TONSL: variants seen among roughly 807,000 people sequenced by gnomAD.
The protein encoded by TONSL is tonsoku-like protein.
In TONSL, 112 loss-of-function variants were observed where a neutral mutation model predicts 147.1. The observed-to-expected ratio is 0.76, with a 90% CI of 0.65 to 0.89. The LOEUF (loss-of-function observed/expected upper bound fraction) is 0.89, where lower values mean the gene tolerates loss of function less well. TONSL is among the 40% of genes least tolerant of loss of function. TONSL has a pLI of 0.00. For missense variants in TONSL, 1,883 were observed against 1,864.6 expected (o/e 1.01, Z -0.18); for synonymous variants, 868 against 801.5 (o/e 1.08, Z -1.40).
At chr8:144,434,754 T>C in intron 20 of TONSL, 57 bp downstream of exon 20, 1 of 1,567,394 alleles carries the variant, frequency 6.4e-7, no homozygotes, top group Non-Finnish European at 8.7e-7. Flanking sequence ...GTGGAGCCTG[T>C]GTGCCCAACC....
intron 23 of TONSL, among the ~76,000 whole-genome samples, chr8:144,431,511 T>C (rs1389325504): frequency 1.3e-5 from 2 of 151,642 alleles, no homozygotes; most frequent in Admixed American, 1.3e-4. Context: ...CAGCTGTTTT[T>C]TTCTTTTTTT....
intron 22 of TONSL, 178 bp downstream of exon 22, chr8:144,433,410 A>G (rs1554879157): frequency 3.1e-6 from 2 of 653,058 alleles, no homozygotes; most frequent in South Asian, 1.9e-5. Flanking sequence ...GGGTCTCACT[A>G]TGTGGGCCAG....
chr8:144,442,287 A>T lies in TONSL; in HGVS notation c.704T>A (p.Met235Lys), dbSNP rs772730361. ...LEGARECAHT[M>K]RKRFMESECC... ...CTCGCTCTCCATGAACCGCTTCCTC[A>T]TGGTGTGCGCACACTCCCGGGCACC... The change falls in exon 6 of 26, where the codon ATG (methionine) becomes AAG (lysine). Residue 235 changes from methionine to lysine, a missense_variant. By Grantham distance (95) the Met-to-Lys change is moderately conservative (BLOSUM62 -1). Transcript: ENST00000409379. The T allele has an allele frequency of 1.8e-5, 28 of 1,597,538 alleles. No individual in the cohort carries two copies. The South Asian group carries it at 1.8e-4, about 10-fold the overall frequency.
In TONSL at chr8:144,432,422, C is replaced by T. The variant is rs369586558; in HGVS notation, c.3598G>A (p.Ala1200Thr). Residue 1200 changes from alanine (A) to threonine (T), a missense_variant, in exon 23 of 26, where the codon GCC becomes ACC. Physicochemically the swap from Ala to Thr is moderately conservative, Grantham distance 58. Transcript: ENST00000409379. ...HLKTLSLSYN[A>T]LGAPALARTL... ...CTGGCCAGGGCAGGGGCTCCCAGGG[C>T]GTTGTAGGACAGGGACAGGGTCTTC... The T allele has an allele frequency of 2.1e-5, 33 of 1,581,494 alleles. No individual in the cohort carries two copies. Among genetic ancestry groups the T allele is most frequent in the African/African-American group, 1.5e-4 (11 of 73,490 alleles).
chr8:144,432,169 G>T, intron 23 of TONSL, 116 bp downstream of exon 23: 1 of 1,173,680 alleles, frequency 8.5e-7, no homozygotes, highest in Non-Finnish European at 1.2e-6. Context: ...AACTCTCTCT[G>T]TAGAGCCCCT....
chr8:144,434,216 C>T lies in TONSL; in HGVS notation c.3149G>A (p.Cys1050Tyr), dbSNP rs1823340392. ...CTGGGCCTGGTCCAGGGCCAGGGAG[C>T]AGGCGCTGAACGAGAGGCCCAAGCC... ...LQGLGLSFSA[C>Y]SLALDQAQLT... The change falls in exon 21 of 26, where the codon TGC (cysteine) becomes TAC (tyrosine). Residue 1050 changes from cysteine to tyrosine, a missense_variant. Transcript: ENST00000409379. 2.6e-6 allele frequency: 4 copies of T among 1,565,094 alleles called. No individual in the cohort carries two copies. The highest frequency in any genetic ancestry group is 3.5e-6 in the Non-Finnish European group (4 of 1,152,722).
Position 144,432,297 on chromosome 8 carries a change from T to A in TONSL, c.3723A>T (p.Arg1241=), listed in dbSNP as rs200647236. ...CCCCACCTCGTACCTTGGCCAGGTA[T>A]CGGAATACAGGCTCCATGAGGTCCG... is the stretch of plus-strand genomic sequence containing the variant. The part of the protein sequence containing the change: ...GDSDLMEPVF[R]YLAKEGCALA... Residue 1241 remains arginine, a synonymous_variant, in exon 23 of 26, where the codon CGA becomes CGT. Transcript: ENST00000409379. The A allele has an allele frequency of 6.2e-7, 1 of 1,613,744 alleles. No homozygotes were observed. Among genetic ancestry groups the A allele is most frequent in the Admixed American group, 1.7e-5 (1 of 59,998 alleles).
chr8:144,442,130 A>G lies in TONSL; in HGVS notation c.772T>C (p.Phe258Leu). Residue 258 changes from phenylalanine (F) to leucine (L), a missense_variant, in exon 7 of 26, where the codon TTT (phenylalanine) becomes CTT (leucine). Physicochemically the swap from Phe to Leu is conservative, Grantham distance 22. Coordinates refer to ENST00000409379, the MANE Select transcript of TONSL (RefSeq NM_013432.5). ...IAQVLQDLGD[F>L]LAAKRALKKA... ...TTCAGGGCTCGCTTGGCAGCCAAAAAGTCTCCCAGGTCTTGGAGGACCTGG... is the reference window on the plus strand; with the variant it reads ...TTCAGGGCTCGCTTGGCAGCCAAAAGGTCTCCCAGGTCTTGGAGGACCTGG... 1 of 1,612,480 alleles carries G rather than the reference A, an allele frequency of 6.2e-7. No individual in the cohort carries two copies. The highest frequency in any genetic ancestry group is 8.5e-7 in the Non-Finnish European group (1 of 1,179,736).
chr8:144,434,248 C>G lies in TONSL; in HGVS notation c.3117G>C (p.Glu1039Asp), dbSNP rs1342011287. 1.3e-6 allele frequency: 2 copies of G among 1,523,920 alleles called. No homozygotes were observed. Among genetic ancestry groups the G allele is most frequent in the African/African-American group, 1.4e-5 (1 of 72,202 alleles). 94.4% of individuals were successfully genotyped at this position (1,523,920 alleles called of 1,614,324 possible). A position where few individuals can be genotyped will look rare whatever the true frequency, so the allele number is the denominator to read the frequency against. Reference protein sequence around the residue: ...GEHQQVLQAVELQGLGLSFSA... With the variant: ...GEHQQVLQAVDLQGLGLSFSA... ...TGAACGAGAGGCCCAAGCCCTGGAG[C>G]TCCACGGCCTGCAGCACCTGTTGGT... Residue 1039 changes from glutamate (E) to aspartate (D), a missense_variant, in exon 21 of 26, where the codon GAG becomes GAC. Physicochemically the swap from Glu to Asp is conservative, Grantham distance 45 (BLOSUM62 2). Transcript: ENST00000409379.
chr8:144,437,146 C>G, intron 13 of TONSL, 47 bp from the exon 14 acceptor site: 1 of 1,583,170 alleles, frequency 6.3e-7, no homozygotes, highest in South Asian at 1.1e-5. Context: ...ACCTCACAGC[C>G]TGGCCCCAGC....
chr8:144,440,283 G>A (rs950316860), intron 10 of TONSL, 68 bp downstream of exon 10: 1 of 1,557,562 alleles, frequency 6.4e-7, no homozygotes, highest in East Asian at 2.3e-5. Flanking sequence ...TGGGGCACAA[G>A]GGGCAGGCAG....
chr8:144,444,369 A>C, intron 1 of TONSL, 21 bp downstream of exon 1: 1 of 1,281,986 alleles, frequency 7.8e-7, no homozygotes, highest in Non-Finnish European at 9.9e-7. Context: ...CCCCGGAGGA[A>C]GGGGTCCCCG....
chr8:144,436,594 T>G lies in TONSL; in HGVS notation c.1978A>C (p.Met660Leu). The part of the protein sequence containing the change: ...DLETRQKARA[M>L]EMLLQAAASG... ...GCAGCCGCCTGGAGCAGCATCTCCA[T>G]GGCCCTGGCCTTCTGCCGCGTCTCC... is the stretch of plus-strand genomic sequence containing the variant. The change falls in exon 16 of 26, where the codon ATG becomes CTG. Residue 660 changes from methionine (M) to leucine (L), a missense_variant. Coordinates refer to ENST00000409379, the MANE Select transcript of TONSL (RefSeq NM_013432.5). 1.2e-6 allele frequency: 2 copies of G among 1,611,582 alleles called. No individual in the cohort carries two copies. Among genetic ancestry groups the G allele is most frequent in the Non-Finnish European group, 1.7e-6 (2 of 1,179,944 alleles).
At chr8:144,436,446 C>G (rs760210011) in intron 16 of TONSL, 28 bp from the exon 17 acceptor site, 1 of 1,528,880 alleles carries the variant, frequency 6.5e-7, no homozygotes, top group Admixed American at 1.9e-5. Flanking sequence ...CGTGTTGAGG[C>G]AGGGGCCCGG....
chr8:144,434,276 T>TC lies in TONSL; in HGVS notation c.3088dup (p.Glu1030GlyfsTer60). The TC allele has an allele frequency of 6.6e-7, 1 of 1,504,760 alleles. No individual in the cohort carries two copies. Among genetic ancestry groups the TC allele is most frequent in the Non-Finnish European group, 8.9e-7 (1 of 1,126,612 alleles). The allele number at this position is 1,504,760 out of a possible 1,614,324, so 93.2% of individuals were successfully genotyped here. A position where few individuals can be genotyped will look rare whatever the true frequency, so the allele number is the denominator to read the frequency against. The stretch of plus-strand genomic sequence containing the variant: ...CACGGCCTGCAGCACCTGTTGGTGC[T>TC]CCCCTGCGGGAGGGATGTGATGTCA... On this transcript the variant is annotated frameshift_variant, in exon 21 of 26. Transcript: ENST00000409379. LOFTEE classifies it high-confidence loss of function.
intron 14 of TONSL, 36 bp downstream of exon 14, chr8:144,436,991 C>A: frequency 6.2e-7 from 1 of 1,612,980 alleles, no homozygotes; most frequent in African/African-American, 1.3e-5. Context: ...CACGTGTCCA[C>A]CAAGGTGCGC....
rs780743533 is a variant in TONSL at position 144,436,183 on chromosome 8, T to G, written c.2250A>C (p.Ala750=). The G allele has an allele frequency of 3.8e-6, 6 of 1,573,956 alleles. No individual in the cohort carries two copies. Among genetic ancestry groups the G allele is most frequent in the Non-Finnish European group, 8.6e-7 (1 of 1,164,420 alleles). ...SSSSSEGEDS[A]GPARPSQKRP... ...TCTTCTGGGACGGCCGTGCGGGGCCTGCGCTGTCCTCGCCTTCTGAGCTGC... is the reference window on the plus strand; with the variant it reads ...TCTTCTGGGACGGCCGTGCGGGGCCGGCGCTGTCCTCGCCTTCTGAGCTGC... The change falls in exon 17 of 26, where the codon GCA becomes GCC. Residue 750 remains alanine, a synonymous_variant. Transcript: ENST00000409379.
In TONSL at chr8:144,440,150, C is replaced by G; in HGVS notation, c.1351G>C (p.Glu451Gln). The G allele has an allele frequency of 6.2e-7, 1 of 1,611,626 alleles. No homozygotes were observed. Among genetic ancestry groups the G allele is most frequent in the Admixed American group, 1.7e-5 (1 of 59,556 alleles). Residue 451 changes from glutamate (E) to glutamine (Q), a missense_variant, in exon 11 of 26, where the codon GAG becomes CAG. Physicochemically the swap from Glu to Gln is conservative, Grantham distance 29 (BLOSUM62 2). Transcript: ENST00000409379. ...AGCTCCCGTAGTCTGGTTTCGGTCTCAGGGGCCTCCTGGGGCTGCAGCCTC... is the reference window on the plus strand; with the variant it reads ...AGCTCCCGTAGTCTGGTTTCGGTCTGAGGGGCCTCCTGGGGCTGCAGCCTC... ...QLRLQPQEAP[E>Q]TETRLRELSV...
At position 144,436,320 on chromosome 8, in the gene TONSL, T is replaced by C; in HGVS notation, c.2113A>G (p.Ser705Gly). 3 of 1,502,038 alleles carry C rather than the reference T, an allele frequency of 2.0e-6. No homozygotes were observed. Among genetic ancestry groups the C allele is most frequent in the Non-Finnish European group, 8.8e-7 (1 of 1,132,604 alleles). The allele number at this position is 1,502,038 out of a possible 1,614,324, so 93.0% of individuals were successfully genotyped here. Residue 705 changes from serine (S) to glycine (G), a missense_variant, in exon 17 of 26, where the codon AGC becomes GGC. Ser to Gly is a moderately conservative substitution (Grantham distance 56). Transcript: ENST00000409379. ...LSPCPEPPSN[S>G]TRLPEASQAH... ...TGAGAGGCCTCTGGGAGTCTAGTGC[T>C]ATTAGAGGGGGGTTCTGGGCAGGGG...
Sources: allele counts gnomAD v4.1 joint callset (sites outside exome capture counted in the v4.1 genomes callset), GRCh38; gene constraint gnomAD v4.1.1; transcripts MANE v1.5; gene names NCBI Gene and HGNC (gene_info 2026-07-23, HGNC 2026-07-21).